Variants in RANBP2 observed in about 807,000 individuals in gnomAD.
RANBP2 encodes E3 SUMO-protein ligase RanBP2.
A neutral mutation model predicts 303.6 loss-of-function variants in RANBP2; 57 were observed. The observed-to-expected ratio is 0.19, with a 90% confidence interval of 0.15 to 0.23. The LOEUF (loss-of-function observed/expected upper bound fraction) is 0.23. Among genes scored for constraint, RANBP2 ranks in the 10% least tolerant of loss-of-function variants. The probability of loss-of-function intolerance (pLI) is 1.00; values close to 1 mark genes in which losing one functional copy is unlikely to be tolerated. For missense variants in RANBP2, 3,138 were observed against 3,780.8 expected (o/e 0.83, Z 4.46); for synonymous variants, 1,167 against 1,301.5 (o/e 0.90, Z 2.23).
the RANBP2 span, among the ~76,000 whole-genome samples, chr2:109,728,295 C>T: frequency 6.6e-6 from 1 of 152,122 alleles, no homozygotes; most frequent in South Asian, 2.1e-4. Context: ...ATGAGCTGTC[C>T]TCACTAAGCC....
chr2:109,066,377 G>C, the RANBP2 span, among the ~76,000 whole-genome samples: 4 of 152,168 alleles, frequency 2.6e-5, no homozygotes, highest in African/African-American at 7.2e-5. Context: ...AAAGTGCTGG[G>C]ATTATAGGCG....
chr2:109,024,209 G>A, the RANBP2 span, among the ~76,000 whole-genome samples: 1 of 152,230 alleles, frequency 6.6e-6, no homozygotes, highest in Admixed American at 6.5e-5. Context: ...ACAGGCGTGA[G>A]CCACCATGTC....
At chr2:108,971,122 G>T in the RANBP2 span, among the ~76,000 whole-genome samples, 2 of 152,126 alleles carry the variant, frequency 1.3e-5, no homozygotes, top group Admixed American at 6.5e-5. Context: ...CCTGGTGCCT[G>T]GACCACATCC....
chr2:108,940,643 T>C, the RANBP2 span, among the ~76,000 whole-genome samples: 47,639 of 152,178 alleles, frequency 0.31, 12,281 homozygotes, highest in East Asian at 0.94. Flanking sequence ...GAGTCACGTG[T>C]AGAATAACAA....
the RANBP2 span, chr2:109,545,469 CG>C: frequency 6.5e-7 from 1 of 1,536,122 alleles, no homozygotes; most frequent in Non-Finnish European, 8.7e-7. Context: ...CCTTTCTCTG[CG>C]TCTTTACGTC....
chr2:109,553,034 T>A, the RANBP2 span: 549 of 1,580,370 alleles, frequency 3.5e-4, 7 homozygotes, highest in East Asian at 8.7e-3. Flanking sequence ...ATCCTCCAAA[T>A]TAATAGGACA....
the RANBP2 span, among the ~76,000 whole-genome samples, chr2:109,044,670 G>T: frequency 6.6e-6 from 1 of 152,038 alleles, no homozygotes. Flanking sequence ...AACTAATAGG[G>T]TTTACTGTGC....
At chr2:109,095,355 G>A in the RANBP2 span, among the ~76,000 whole-genome samples, 1 of 152,182 alleles carries the variant, frequency 6.6e-6, no homozygotes, top group Non-Finnish European at 1.5e-5. Flanking sequence ...CAATGTGTAG[G>A]GAAAATAGAA....
the RANBP2 span, among the ~76,000 whole-genome samples, chr2:109,385,297 A>T: frequency 6.6e-6 from 1 of 152,324 alleles, no homozygotes; most frequent in African/African-American, 2.4e-5. Flanking sequence ...AGGGAGAAGT[A>T]TGTGTTAGAA....
At chr2:109,084,670 A>T in the RANBP2 span, among the ~76,000 whole-genome samples, 1 of 152,186 alleles carries the variant, frequency 6.6e-6, no homozygotes, top group Non-Finnish European at 1.5e-5. Flanking sequence ...GGTTCGAAGG[A>T]GCTGAGACCT....
chr2:108,946,825 A>T, the RANBP2 span, among the ~76,000 whole-genome samples: 1 of 152,044 alleles, frequency 6.6e-6, no homozygotes, highest in Admixed American at 6.5e-5. Context: ...GGGAATTACA[A>T]TTTGAGATGA....
chr2:109,508,240 C>A, the RANBP2 span, among the ~76,000 whole-genome samples: 4 of 152,180 alleles, frequency 2.6e-5, no homozygotes, highest in Admixed American at 6.5e-5. Context: ...TGCTGCCCTC[C>A]CTGACTCAGC....
At chr2:109,264,504 C>T in the RANBP2 span, among the ~76,000 whole-genome samples, 7 of 152,342 alleles carry the variant, frequency 4.6e-5, no homozygotes, top group South Asian at 4.1e-4. Flanking sequence ...TAGAGGTGCT[C>T]GATAGATAGA....
the RANBP2 span, among the ~76,000 whole-genome samples, chr2:108,936,858 G>A: frequency 6.6e-6 from 1 of 152,230 alleles, no homozygotes; most frequent in South Asian, 2.1e-4. Flanking sequence ...GGTAGCCTGG[G>A]AGTCCCTCCT....
rs182073857 is a variant in RANBP2 at position 108,783,628 on chromosome 2, C to T, written c.9402C>T (p.Gly3134=). ...ATATCACCAAACATGATGGAACAGG[C>T]GGACAGTCCATTTATGGAGACAAAT... ...GGDITKHDGT[G]GQSIYGDKFE... Residue 3134 remains glycine (G), a synonymous_variant, in exon 29 of 29, where the codon GGC becomes GGT. Transcript: ENST00000283195. 3.7e-5 allele frequency: 60 copies of T among 1,612,278 alleles called. No homozygotes were observed. Among genetic ancestry groups the T allele is most frequent in the Middle Eastern group, 3.3e-4 (2 of 6,054 alleles).
At chr2:108,929,706 AC>A in the RANBP2 span, among the ~76,000 whole-genome samples, 3 of 152,186 alleles carry the variant, frequency 2.0e-5, no homozygotes, top group Non-Finnish European at 4.4e-5. Flanking sequence ...AGAACCGGAC[AC>A]TGAAACCCCG....
At chr2:109,640,259 C>A in the RANBP2 span, among the ~76,000 whole-genome samples, 1 of 151,794 alleles carries the variant, frequency 6.6e-6, no homozygotes, top group Non-Finnish European at 1.5e-5. Flanking sequence ...TGAGACCAGT[C>A]GGGCCAACAT....
At chr2:108,930,340 C>A in the RANBP2 span, 2 of 1,432,552 alleles carry the variant, frequency 1.4e-6, no homozygotes, top group East Asian at 4.6e-5. Flanking sequence ...GGGTGCCCTG[C>A]GGTGGGGGCT....
the RANBP2 span, among the ~76,000 whole-genome samples, chr2:109,369,229 T>G: frequency 6.7e-6 from 1 of 149,732 alleles, no homozygotes; most frequent in Admixed American, 6.6e-5. Flanking sequence ...GCACCTGTAG[T>G]CCCAGCTACT....
Sources: gnomAD v4.1 joint callset for allele counts (sites outside exome capture counted in the v4.1 genomes callset) on GRCh38, gnomAD v4.1.1 for gene constraint, MANE v1.5 for transcripts, NCBI Gene and HGNC (gene_info 2026-07-23, HGNC 2026-07-21) for gene names.